The following CNTN4 variants were observed in gnomAD, a reference collection of about 807,000 sequenced individuals.
The protein encoded by CNTN4 is contactin 4.
A neutral mutation model predicts 122.5 loss-of-function variants in CNTN4; 77 were observed. The observed-to-expected ratio is 0.63, with a 90% confidence interval of 0.52 to 0.76. CNTN4 has a LOEUF of 0.76. Among genes scored for constraint, CNTN4 ranks in the 30% least tolerant of loss-of-function variants. CNTN4 has a pLI of 0.00. For synonymous variants in CNTN4, 512 were observed against 447.0 expected (o/e 1.15, Z -1.83); for missense variants, 1,256 against 1,259.1 (o/e 1.00, Z 0.04).
chr3:2,706,288 C>G (rs2086732509), intron 4 of CNTN4, among the ~76,000 whole-genome samples: 1 of 151,974 alleles, frequency 6.6e-6, no homozygotes, highest in African/African-American at 2.4e-5. Context: ...TCAGTGAAAT[C>G]TGCCTGGTTT....
At chr3:2,611,557 T>C (rs911091156) in intron 4 of CNTN4, among the ~76,000 whole-genome samples, 2 of 152,092 alleles carry the variant, frequency 1.3e-5, no homozygotes, top group Admixed American at 6.6e-5. Context: ...GGTCCAAAAA[T>C]AAATGTGACT....
intron 4 of CNTN4, among the ~76,000 whole-genome samples, chr3:2,652,833 G>C (rs2083425762): frequency 6.6e-6 from 1 of 152,068 alleles, no homozygotes; most frequent in African/African-American, 2.4e-5. Context: ...CATTTAAGCT[G>C]TTGTTTAAAA....
At chr3:2,238,211 A>G (rs1442098596) in intron 2 of CNTN4, among the ~76,000 whole-genome samples, 1 of 152,172 alleles carries the variant, frequency 6.6e-6, no homozygotes, top group Non-Finnish European at 1.5e-5. Flanking sequence ...ATGGTGAAGG[A>G]ATAATAAATA....
intron 2 of CNTN4, among the ~76,000 whole-genome samples, chr3:2,314,930 A>G (rs1006432387): frequency 1.3e-5 from 2 of 152,066 alleles, no homozygotes; most frequent in East Asian, 3.8e-4. Context: ...TTATTATATC[A>G]TGTTTCAGGT....
intron 2 of CNTN4, among the ~76,000 whole-genome samples, chr3:2,133,245 A>G (rs1420073387): frequency 6.6e-6 from 1 of 152,168 alleles, no homozygotes; most frequent in East Asian, 1.9e-4. Context: ...AGTGACCTGG[A>G]CTATCTTCTT....
chr3:2,477,132 G>C (rs540093198), intron 3 of CNTN4, among the ~76,000 whole-genome samples: 1 of 152,294 alleles, frequency 6.6e-6, no homozygotes, highest in East Asian at 1.9e-4. Context: ...CACAGGCTGG[G>C]TTCCTCAGGC....
intron 4 of CNTN4, among the ~76,000 whole-genome samples, chr3:2,702,724 GCACATGGTGCAT>G (rs1336821296): frequency 6.6e-6 from 1 of 150,968 alleles, no homozygotes; most frequent in Admixed American, 6.6e-5. Flanking sequence ...AGAGGCTGAA[GCACATGGTGCAT>G]ATTCACGCAA....
rs1559415317 is a variant in CNTN4 at position 2,287,655 on chromosome 3, GAAGAA to G, written c.-144-51522_-144-51518del. 1.9e-3 allele frequency among the ~76,000 whole-genome samples: 54 copies of G among 27,968 alleles called. 1 individual carries two copies. The highest frequency in any genetic ancestry group is 4.5e-3 in the African/African-American group (53 of 11,738). 18.3% of individuals were successfully genotyped at this position (27,968 alleles called of 152,430 possible). A position where few individuals can be genotyped will look rare whatever the true frequency, so the allele number is the denominator to read the frequency against. On this transcript the variant is annotated intron_variant, in intron 2 of 24. Transcript: ENST00000418658. ...AGGAGAAGAAGAAGAAGAAGAAGAA[GAAGAA>G]GAAGAAGAAGAAGAAGAAGAAGAAG...
At chr3:2,861,444 A>G (rs1484214767) in intron 7 of CNTN4, among the ~76,000 whole-genome samples, 2 of 152,232 alleles carry the variant, frequency 1.3e-5, no homozygotes, top group East Asian at 1.9e-4. Flanking sequence ...TTTCATTTGT[A>G]GAAATCACTT....
intron 12 of CNTN4, among the ~76,000 whole-genome samples, chr3:2,909,376 A>T (rs2094274378): frequency 6.6e-6 from 1 of 152,028 alleles, no homozygotes; most frequent in Admixed American, 6.5e-5. Flanking sequence ...TACACGTGAA[A>T]GCCTTTGCAA....
intron 12 of CNTN4, among the ~76,000 whole-genome samples, chr3:2,917,382 C>T (rs2094380350): frequency 6.8e-6 from 1 of 147,726 alleles, no homozygotes; most frequent in African/African-American, 2.7e-5. Context: ...TACTTTTTAC[C>T]ACAATTTAAA....
chr3:2,950,328 G>C (rs2094726078), intron 13 of CNTN4, among the ~76,000 whole-genome samples: 1 of 152,248 alleles, frequency 6.6e-6, no homozygotes, highest in Admixed American at 6.5e-5. Flanking sequence ...CCCAGAATGA[G>C]TCATTGTATG....
chr3:2,111,625 A>C (rs1447326764), intron 2 of CNTN4, among the ~76,000 whole-genome samples: 3 of 152,156 alleles, frequency 2.0e-5, no homozygotes, highest in Non-Finnish European at 4.4e-5. Flanking sequence ...TGTCTCTACT[A>C]CTTATGTATT....
chr3:3,022,590 A>T (rs1698395914), intron 14 of CNTN4, among the ~76,000 whole-genome samples: 1 of 152,214 alleles, frequency 6.6e-6, no homozygotes, highest in Non-Finnish European at 1.5e-5. Context: ...GGATCTGATT[A>T]TTAATTGAGT....
At chr3:2,830,475 G>C (rs1274862622) in intron 7 of CNTN4, among the ~76,000 whole-genome samples, 1 of 152,194 alleles carries the variant, frequency 6.6e-6, no homozygotes, top group East Asian at 1.9e-4. Context: ...ACCACATGCA[G>C]AGCTTTTTCT....
chr3:2,777,938 G>C (rs1183059808), intron 6 of CNTN4, among the ~76,000 whole-genome samples: 1 of 151,918 alleles, frequency 6.6e-6, no homozygotes, highest in Non-Finnish European at 1.5e-5. Context: ...ATAACTGCTG[G>C]GTGCGGTGGC....
At chr3:2,437,090 T>C (rs988698098) in intron 3 of CNTN4, among the ~76,000 whole-genome samples, 2 of 152,092 alleles carry the variant, frequency 1.3e-5, no homozygotes, top group African/African-American at 4.8e-5. Flanking sequence ...GTTAAGTGTT[T>C]CTTCATCTTG....
At chr3:2,296,299 C>T (rs1341683822) in intron 2 of CNTN4, among the ~76,000 whole-genome samples, 1 of 152,118 alleles carries the variant, frequency 6.6e-6, no homozygotes, top group Non-Finnish European at 1.5e-5. Context: ...ATTGATTCTT[C>T]CTACCCATGA....
At chr3:2,926,780 C>CT (rs113338815) in intron 13 of CNTN4, among the ~76,000 whole-genome samples, 109,431 of 151,856 alleles carry the variant, frequency 0.72, 39,619 homozygotes, top group Middle Eastern at 0.79. Context: ...TGTATTCATA[C>CT]TTTTTTTAAC....
Sources: allele counts gnomAD v4.1 joint callset (sites outside exome capture counted in the v4.1 genomes callset), GRCh38; gene constraint gnomAD v4.1.1; transcripts MANE v1.5; gene names NCBI Gene and HGNC (gene_info 2026-07-23, HGNC 2026-07-21).